The following RPRD2 variants were observed in gnomAD, a reference collection of about 807,000 sequenced individuals.
The protein encoded by RPRD2 is regulation of nuclear pre-mRNA domain-containing protein 2.
Under a neutral mutation model 104.4 loss-of-function variants are expected in RPRD2, and 12 were observed. That is an observed-to-expected ratio of 0.11 (90% CI 0.07 to 0.19). RPRD2 has a LOEUF of 0.19. Ranked by LOEUF, RPRD2 falls within the 10% of genes least tolerant of loss-of-function variation. The pLI is 1.00. For missense variants in RPRD2, 1,543 were observed against 1,790.1 expected (o/e 0.86, Z 2.49); for synonymous variants, 714 against 684.9 (o/e 1.04, Z -0.66).
Position 150,364,711 on chromosome 1 carries a change from G to T in RPRD2, c.-4G>T, listed in dbSNP as rs1553876852. ...GAGCAGCAGCGCTTGTGCAAACCGGGAAGATGGCGGCCGGCGGCGGCGGAG... is the reference window on the plus strand; with the variant it reads ...GAGCAGCAGCGCTTGTGCAAACCGGTAAGATGGCGGCCGGCGGCGGCGGAG... On this transcript the variant is annotated 5_prime_UTR_variant, in exon 1 of 11. Transcript: ENST00000369068. 1.3e-6 allele frequency: 2 copies of T among 1,556,196 alleles called. No individual in the cohort carries two copies. Among genetic ancestry groups the T allele is most frequent in the South Asian group, 2.3e-5 (2 of 86,226 alleles).
intron 1 of RPRD2, among the ~76,000 whole-genome samples, chr1:150,368,595 C>G (rs984510980): frequency 6.6e-6 from 1 of 151,790 alleles, no homozygotes; most frequent in Non-Finnish European, 1.5e-5. Flanking sequence ...TCCCAAGTAG[C>G]TGGAATTACA....
intron 1 of RPRD2, among the ~76,000 whole-genome samples, chr1:150,393,325 G>A (rs1553883533): frequency 6.6e-6 from 1 of 151,806 alleles, no homozygotes; most frequent in African/African-American, 2.4e-5. Flanking sequence ...GCTGGGCATG[G>A]TACATGCCTA....
intron 1 of RPRD2, among the ~76,000 whole-genome samples, chr1:150,382,205 A>G (rs964662146): frequency 7.0e-6 from 1 of 142,548 alleles, no homozygotes; most frequent in Non-Finnish European, 1.6e-5. Context: ...AGGAGTGGAC[A>G]TGGCTTTTTT....
At chr1:150,416,882 A>AC (rs112088857) in intron 1 of RPRD2, among the ~76,000 whole-genome samples, 28,473 of 148,390 alleles carry the variant, frequency 0.19, 3,143 homozygotes, top group African/African-American at 0.24. Flanking sequence ...CAAAAAAAAA[A>AC]AAAAAAAAAC....
chr1:150,441,981 A>G (rs1553894568), intron 4 of RPRD2, 23 bp downstream of exon 4: 1 of 1,545,872 alleles, frequency 6.5e-7, no homozygotes, highest in East Asian at 2.3e-5. Context: ...ATCTCAACTA[A>G]TATAAAATTA....
chr1:150,459,061 T>G (rs1422162076), intron 8 of RPRD2, among the ~76,000 whole-genome samples: 1 of 152,226 alleles, frequency 6.6e-6, no homozygotes, highest in East Asian at 1.9e-4. Flanking sequence ...TCACTTATAC[T>G]GGAATTCCTT....
chr1:150,413,051 G>T (rs986775520), intron 1 of RPRD2, among the ~76,000 whole-genome samples: 6 of 152,016 alleles, frequency 3.9e-5, no homozygotes, highest in African/African-American at 1.5e-4. Context: ...AAATTTAAGG[G>T]GAGCAAGTCT....
chr1:150,416,795 C>T (rs1327477677), intron 1 of RPRD2, among the ~76,000 whole-genome samples: 2 of 146,142 alleles, frequency 1.4e-5, no homozygotes, highest in East Asian at 4.1e-4. Flanking sequence ...TTGCTTGAGC[C>T]CAGGAGGCGG....
chr1:150,415,264 G>A (rs1553888352), intron 1 of RPRD2, among the ~76,000 whole-genome samples: 3 of 151,974 alleles, frequency 2.0e-5, no homozygotes, highest in Admixed American at 6.6e-5. Flanking sequence ...CCCGTGAGGC[G>A]GAGGTTGCAG....
intron 1 of RPRD2, among the ~76,000 whole-genome samples, chr1:150,392,015 T>G (rs1380942999): frequency 1.3e-5 from 2 of 151,790 alleles, no homozygotes; most frequent in Non-Finnish European, 2.9e-5. Context: ...GTTTGTGTGT[T>G]GCTCAAGGCC....
In RPRD2 at chr1:150,457,283, T is replaced by C. The variant is rs1311347543; in HGVS notation, c.871-5T>C. On this transcript the variant is annotated splice_region_variant and splice_polypyrimidine_tract_variant and intron_variant, in intron 7 of 10. Coordinates refer to ENST00000369068, the MANE Select transcript of RPRD2 (RefSeq NM_015203.5). ...CAAGGAGTAAACTCCTTTTTTCTCT[T>C]TTAGGCATATAAAACCTTTGCTAAC... 1 of 1,610,132 alleles carries C rather than the reference T, an allele frequency of 6.2e-7. No individual in the cohort carries two copies. Among genetic ancestry groups the C allele is most frequent in the Non-Finnish European group, 8.5e-7 (1 of 1,177,628 alleles).
chr1:150,372,590 A>G (rs1660400348), intron 1 of RPRD2, among the ~76,000 whole-genome samples: 1 of 152,142 alleles, frequency 6.6e-6, no homozygotes, highest in South Asian at 2.1e-4. Context: ...AACATAATAG[A>G]AGGCGATAAA....
Position 150,380,707 on chromosome 1 carries a change from T to C in RPRD2, c.205+15788T>C, listed in dbSNP as rs782428196. On this transcript the variant is annotated intron_variant, in intron 1 of 10. Coordinates refer to ENST00000369068, the MANE Select transcript of RPRD2 (RefSeq NM_015203.5). ...GTCTCTCTCTGTCGCCAGGCTGGAG[T>C]GCAATGGCGTGCTGTCGGCTCACTG... 7.2e-5 allele frequency among the ~76,000 whole-genome samples: 11 copies of C among 151,868 alleles called. 1 individual carries two copies. The highest frequency in any genetic ancestry group is 2.7e-4 in the African/African-American group (11 of 41,392).
chr1:150,464,381 T>TTTA, intron 9 of RPRD2, 146 bp from the exon 10 acceptor site: 5 of 509,080 alleles, frequency 9.8e-6, no homozygotes, highest in Admixed American at 3.8e-5. Context: ...TTTTTTTTTG[T>TTTA]ACATGTCATG....
rs587605104 is a variant in RPRD2, at chr1:150,421,317, G to C, written c.335+3592G>C. Among the ~76,000 whole-genome samples, 57 of 152,190 alleles carry C rather than the reference G, an allele frequency of 3.7e-4. 1 individual carries two copies. The South Asian group carries it at 9.8e-3, about 26-fold the overall frequency. On this transcript the variant is annotated intron_variant, in intron 2 of 10. Coordinates refer to ENST00000369068, the MANE Select transcript of RPRD2 (RefSeq NM_015203.5). Reference sequence around the variant, plus strand: ...CCCCACCCAAGAATAAATATTAGAAGTATGTGAGGCTTTTATAAAATTTCA... The same window carrying C: ...CCCCACCCAAGAATAAATATTAGAACTATGTGAGGCTTTTATAAAATTTCA...
At chr1:150,432,373 TG>T (rs1665663276) in intron 2 of RPRD2, among the ~76,000 whole-genome samples, 2 of 152,048 alleles carry the variant, frequency 1.3e-5, no homozygotes, top group South Asian at 4.1e-4. Context: ...GGGGAGTTAT[TG>T]GTACAGAGTA....
At chr1:150,397,576 G>A (rs587702803) in intron 1 of RPRD2, among the ~76,000 whole-genome samples, 2 of 152,162 alleles carry the variant, frequency 1.3e-5, no homozygotes, top group South Asian at 4.1e-4. Flanking sequence ...AACCTTTTGA[G>A]TCTGACTTCT....
intron 10 of RPRD2, among the ~76,000 whole-genome samples, chr1:150,469,034 A>G (rs1039337063): frequency 6.6e-6 from 1 of 152,180 alleles, no homozygotes; most frequent in Non-Finnish European, 1.5e-5. Flanking sequence ...TTGGATAACA[A>G]TAAAGACCAT....
intron 1 of RPRD2, among the ~76,000 whole-genome samples, chr1:150,374,584 C>G (rs1366508129): frequency 6.6e-6 from 1 of 152,144 alleles, no homozygotes. Flanking sequence ...ATCTGATGCT[C>G]TCTTCCAGTG....
Sources: allele counts gnomAD v4.1 joint callset (sites outside exome capture counted in the v4.1 genomes callset), GRCh38; gene constraint gnomAD v4.1.1; transcripts MANE v1.5; gene names NCBI Gene and HGNC (gene_info 2026-07-23, HGNC 2026-07-21).